CUL4A: variants seen among roughly 807,000 people sequenced by gnomAD.
The protein encoded by CUL4A is cullin-4A.
A neutral mutation model predicts 95.5 loss-of-function variants in CUL4A; 16 were observed. The ratio of observed to expected loss-of-function variants is 0.17; its 90% CI spans 0.11 to 0.25. The LOEUF is 0.25. Among genes scored for constraint, CUL4A ranks in the 10% least tolerant of loss-of-function variants. The pLI is 1.00. For synonymous variants in CUL4A, 380 were observed against 353.1 expected, an observed-to-expected ratio of 1.08 and a Z score of -0.85; for missense variants, 610 against 937.0, an observed-to-expected ratio of 0.65 and a Z score of 4.56.
intron 18 of CUL4A, among the ~76,000 whole-genome samples, chr13:113,260,211 A>AAAAAAAAAAAAAAAACAAAAC (rs1197388632): frequency 2.5e-5 from 3 of 119,526 alleles, no homozygotes; most frequent in African/African-American, 1.1e-4. Flanking sequence ...CTCAAAAAAA[A>AAAAAAAAAAAAAAAACAAAAC]AAAAAAAACC....
rs184989084 is a variant in CUL4A, at chr13:113,213,946, T to G, written c.264+3858T>G. Among the ~76,000 whole-genome samples the G allele has an allele frequency of 5.3e-5, 8 of 152,324 alleles. No individual in the cohort carries two copies. In the East Asian group the frequency reaches 1.5e-3, roughly 29 times the overall value. On this transcript the variant is annotated intron_variant, in intron 2 of 19. Coordinates refer to ENST00000375440, the MANE Select transcript of CUL4A (RefSeq NM_001008895.4). ...CTGCCTCAGATCTATTGGAAGCAAA[T>G]GGGATAGAAATCTAAGAAAAGCAAA...
At chr13:113,209,563 G>A (rs1305441672), upstream of CUL4A, 3 of 907,546 alleles carry the variant, frequency 3.3e-6, no homozygotes, top group Non-Finnish European at 2.6e-6. Flanking sequence ...GCGGACCGGG[G>A]CGGGCGGAGC....
chr13:113,248,775 G>A (rs2041920152), intron 15 of CUL4A, among the ~76,000 whole-genome samples: 1 of 152,186 alleles, frequency 6.6e-6, no homozygotes, highest in South Asian at 2.1e-4. Context: ...CAAATGCTGT[G>A]TAAATAGTTG....
chr13:113,222,445 AGGCGGGGAG>A (rs2040933841), intron 3 of CUL4A, among the ~76,000 whole-genome samples: 1 of 152,034 alleles, frequency 6.6e-6, no homozygotes, highest in Non-Finnish European at 1.5e-5. Context: ...ACACGGATTG[AGGCGGGGAG>A]GGTCTGTCGT....
At chr13:113,211,194 C>G (rs1350776528) in intron 2 of CUL4A, among the ~76,000 whole-genome samples, 1 of 152,220 alleles carries the variant, frequency 6.6e-6, no homozygotes, top group Non-Finnish European at 1.5e-5. Context: ...TTTGCGATTT[C>G]TAGAACCTTA....
chr13:113,255,188 G>A (rs928561594), intron 18 of CUL4A, 63 bp downstream of exon 18: 14 of 1,360,784 alleles, frequency 1.0e-5, no homozygotes, highest in Non-Finnish European at 1.4e-5. Flanking sequence ...TGTTTTTGTA[G>A]TAATGTTTTT....
chr13:113,228,148 T>A, intron 4 of CUL4A, 103 bp downstream of exon 4: 1 of 879,874 alleles, frequency 1.1e-6, no homozygotes, highest in East Asian at 2.6e-5. Flanking sequence ...ATTCTGTCTG[T>A]GTTCAGTGCT....
At chr13:113,235,685 G>A (rs149949651) in intron 8 of CUL4A, among the ~76,000 whole-genome samples, 2 of 152,218 alleles carry the variant, frequency 1.3e-5, no homozygotes, top group East Asian at 3.9e-4. Context: ...ATGATACAGT[G>A]TGCAGCTGGG....
chr13:113,239,135 A>C (rs1012609089), intron 9 of CUL4A, among the ~76,000 whole-genome samples: 4 of 152,232 alleles, frequency 2.6e-5, no homozygotes, highest in Non-Finnish European at 5.9e-5. Context: ...CCCAGGTTAA[A>C]TAGTTGGTGT....
chr13:113,253,775 C>T (rs570555565), intron 16 of CUL4A, among the ~76,000 whole-genome samples: 1 of 151,936 alleles, frequency 6.6e-6, no homozygotes, highest in Non-Finnish European at 1.5e-5. Flanking sequence ...TTATTATGAG[C>T]GATTATTTAA....
At chr13:113,217,321 A>G (rs762363306) in intron 2 of CUL4A, among the ~76,000 whole-genome samples, 2 of 152,242 alleles carry the variant, frequency 1.3e-5, no homozygotes, top group Non-Finnish European at 2.9e-5. Context: ...ATGGAATTCA[A>G]AGGGATGGAA....
At chr13:113,245,924 C>G in intron 14 of CUL4A, 32 bp from the exon 15 acceptor site, 1 of 1,480,416 alleles carries the variant, frequency 6.8e-7, no homozygotes, top group Middle Eastern at 1.9e-4. Context: ...ATTACTTTCT[C>G]AAAATGATTG....
intron 5 of CUL4A, among the ~76,000 whole-genome samples, chr13:113,232,233 C>T (rs112949574): frequency 0.25 from 1,002 of 3,956 alleles, 392 homozygotes; most frequent in Non-Finnish European, 0.51. Flanking sequence ...CACCACTACC[C>T]GCCCACCACC....
Position 113,209,617 on chromosome 13 carries a change from C to G in CUL4A, c.-11C>G. 1 of 1,047,746 alleles carries G rather than the reference C, an allele frequency of 9.5e-7. No individual in the cohort carries two copies. Among genetic ancestry groups the G allele is most frequent in the Non-Finnish European group, 1.1e-6 (1 of 872,578 alleles). The allele number at this position is 1,047,746 out of a possible 1,614,324, so 64.9% of individuals were successfully genotyped here. ...GCGCTCGGGGCGGGGCGCGGCGGTT[C>G]CGGCCCAGCCATGGCGGACGAGGCC... On this transcript the variant is annotated 5_prime_UTR_variant, in exon 1 of 20. Transcript: ENST00000375440.
chr13:113,220,902 T>G (rs2040872811), intron 3 of CUL4A, among the ~76,000 whole-genome samples: 1 of 152,126 alleles, frequency 6.6e-6, no homozygotes, highest in African/African-American at 2.4e-5. Context: ...GTGGCAAAAC[T>G]GTGATTACAA....
In CUL4A at chr13:113,266,396, G is replaced by A. The variant is rs1460729063; in HGVS notation, c.*2814G>A. ...AAATAGGGAAACACCTATGTGAAAG[G>A]TATTATAACATTACTAAGGAACACA... On this transcript the variant is annotated 3_prime_UTR_variant, in exon 20 of 20. Transcript: ENST00000375440. The A allele has an allele frequency of 6.6e-6, 1 of 152,154 alleles. No homozygotes were observed. The highest frequency in any genetic ancestry group is 1.5e-5 in the Non-Finnish European group (1 of 68,038). The allele number at this position is 152,154 out of a possible 1,614,324, so 9.4% of individuals were successfully genotyped here. A position where few individuals can be genotyped will look rare whatever the true frequency, so the allele number is the denominator to read the frequency against.
intron 2 of CUL4A, among the ~76,000 whole-genome samples, chr13:113,213,062 C>T (rs1051623180): frequency 2.6e-5 from 4 of 152,036 alleles, no homozygotes; most frequent in Non-Finnish European, 5.9e-5. Flanking sequence ...TATATAGAAT[C>T]TACAGATCAA....
chr13:113,208,926 A>G (rs1595317392), upstream of CUL4A: 15 of 1,327,762 alleles, frequency 1.1e-5, no homozygotes, highest in African/African-American at 1.6e-5. Context: ...GGACAGCCCC[A>G]CGGCTAAACT....
chr13:113,232,079 C>T (rs12862812), intron 5 of CUL4A, among the ~76,000 whole-genome samples: 4,040 of 19,682 alleles, frequency 0.21, 240 homozygotes, highest in South Asian at 0.29. Context: ...CACCACTACC[C>T]GCCCACCACC....
Sources: allele counts gnomAD v4.1 joint callset (sites outside exome capture counted in the v4.1 genomes callset), GRCh38; gene constraint gnomAD v4.1.1; transcripts MANE v1.5; gene names NCBI Gene and HGNC (gene_info 2026-07-23, HGNC 2026-07-21).